Variants in CTNNA2 observed in about 807,000 individuals in gnomAD.
The protein encoded by CTNNA2 is catenin alpha 2.
CTNNA2 carries 42 observed loss-of-function variants against 101.0 expected under a neutral mutation model. The observed-to-expected ratio is 0.42, with a 90% CI of 0.32 to 0.54. CTNNA2 has a LOEUF of 0.54. CTNNA2 is among the 20% of genes least tolerant of loss of function. CTNNA2 has a pLI of 0.14. For synonymous variants in CTNNA2, 450 were observed against 456.4 expected, an observed-to-expected ratio of 0.99 and a Z score of 0.18; for missense variants, 871 against 1,223.1, an observed-to-expected ratio of 0.71 and a Z score of 4.29.
intron 7 of CTNNA2, among the ~76,000 whole-genome samples, chr2:79,979,817 C>T (rs1416951174): frequency 1.3e-5 from 2 of 152,026 alleles, no homozygotes; most frequent in Admixed American, 1.3e-4. Flanking sequence ...AATATCAATT[C>T]CTAGCAACTA....
intron 12 of CTNNA2, among the ~76,000 whole-genome samples, chr2:80,566,564 T>C (rs1694079719): frequency 1.3e-5 from 2 of 152,168 alleles, no homozygotes; most frequent in South Asian, 4.1e-4. Context: ...CAAATGCTGG[T>C]ATAATAGCCC....
chr2:80,340,567 ACCAGGTGAC>A (rs1181999535), intron 7 of CTNNA2, among the ~76,000 whole-genome samples: 1 of 152,216 alleles, frequency 6.6e-6, no homozygotes, highest in Non-Finnish European at 1.5e-5. Flanking sequence ...AGTTGAATGT[ACCAGGTGAC>A]ATACAGCCCT....
chr2:80,393,762 A>G (rs192243644), intron 8 of CTNNA2, among the ~76,000 whole-genome samples: 70 of 152,292 alleles, frequency 4.6e-4, no homozygotes, highest in Middle Eastern at 6.8e-3. Flanking sequence ...AATCTAGGAG[A>G]AAGTTTGCTT....
intron 17 of CTNNA2, among the ~76,000 whole-genome samples, chr2:80,618,360 G>C (rs1005770268): frequency 2.6e-5 from 4 of 151,528 alleles, no homozygotes; most frequent in African/African-American, 9.7e-5. Flanking sequence ...ACTCCTTTTA[G>C]TTGTATATTT....
rs137898899 is a variant in CTNNA2 at position 79,242,969 on chromosome 2, A to AATATAT, written c.-406+44913_-406+44918dup. ...GCAACAAAGTAAGATCCTGTCTCGA[A>AATATAT]ATATATATATATATATATATATATA... is the stretch of plus-strand genomic sequence containing the variant. On this transcript the variant is annotated intron_variant, in intron 2 of 21. Coordinates refer to the CTNNA2 transcript ENST00000466387. 1.3e-3 allele frequency among the ~76,000 whole-genome samples: 171 copies of AATATAT among 127,342 alleles called. 2 individuals carry two copies. The highest frequency in any genetic ancestry group is 4.8e-3 in the Middle Eastern group (1 of 208). 83.5% of individuals were successfully genotyped at this position (127,342 alleles called of 152,430 possible).
chr2:79,290,730 T>G (rs1675780492), intron 2 of CTNNA2, among the ~76,000 whole-genome samples: 1 of 152,068 alleles, frequency 6.6e-6, no homozygotes, highest in Non-Finnish European at 1.5e-5. Context: ...GGAGAAACCA[T>G]CTTCCCACTC....
At chr2:79,766,025 T>C (rs1465034225) in intron 3 of CTNNA2, among the ~76,000 whole-genome samples, 1 of 152,214 alleles carries the variant, frequency 6.6e-6, no homozygotes, top group Non-Finnish European at 1.5e-5. Context: ...GATTGGTTCA[T>C]GGTTTAGTCT....
At chr2:79,384,399 TCTCTC>T (rs1201787576) in intron 4 of CTNNA2, among the ~76,000 whole-genome samples, 1 of 74,564 alleles carries the variant, frequency 1.3e-5, no homozygotes, top group African/African-American at 4.1e-5. Flanking sequence ...TCTCTCTCTC[TCTCTC>T]TCTCTCTCTC....
At chr2:80,059,572 G>C (rs1433467386) in intron 7 of CTNNA2, among the ~76,000 whole-genome samples, 26 of 152,212 alleles carry the variant, frequency 1.7e-4, no homozygotes, top group Non-Finnish European at 1.5e-5. Context: ...TGTTAGGATA[G>C]TGGGTCCAGA....
intron 7 of CTNNA2, among the ~76,000 whole-genome samples, chr2:80,057,873 C>A (rs1234699296): frequency 1.3e-5 from 2 of 152,126 alleles, no homozygotes; most frequent in Non-Finnish European, 2.9e-5. Context: ...GTATGAGGAT[C>A]TTGCTATCCT....
At chr2:80,310,763 G>A (rs1381251666) in intron 7 of CTNNA2, among the ~76,000 whole-genome samples, 1 of 152,108 alleles carries the variant, frequency 6.6e-6, no homozygotes, top group African/African-American at 2.4e-5. Flanking sequence ...CTTGAGGTCA[G>A]GAGTTCTAGA....
intron 2 of CTNNA2, among the ~76,000 whole-genome samples, chr2:79,699,608 A>C (rs1377908245): frequency 6.6e-6 from 1 of 151,662 alleles, no homozygotes; most frequent in African/African-American, 2.4e-5. Flanking sequence ...TTTTAATCAA[A>C]ATATTTTATG....
At chr2:79,530,086 G>A (rs1672648368) in intron 1 of CTNNA2, among the ~76,000 whole-genome samples, 2 of 152,104 alleles carry the variant, frequency 1.3e-5, no homozygotes, top group Admixed American at 6.6e-5. Flanking sequence ...AAGGCTTTCT[G>A]TGGTGGGAGG....
At chr2:79,542,314 TTAAAAG>T (rs1673476961) in intron 1 of CTNNA2, among the ~76,000 whole-genome samples, 1 of 152,218 alleles carries the variant, frequency 6.6e-6, no homozygotes, top group African/African-American at 2.4e-5. Context: ...TTATCTGATG[TTAAAAG>T]TAAAAGATTT....
intron 2 of CTNNA2, among the ~76,000 whole-genome samples, chr2:79,662,760 G>C (rs1001894397): frequency 6.6e-6 from 1 of 152,120 alleles, no homozygotes; most frequent in Non-Finnish European, 1.5e-5. Flanking sequence ...TAACTAAAGA[G>C]GGAAGGCCAG....
intron 2 of CTNNA2, among the ~76,000 whole-genome samples, chr2:79,254,294 A>C (rs1558588159): frequency 6.6e-6 from 1 of 152,208 alleles, no homozygotes; most frequent in Non-Finnish European, 1.5e-5. Flanking sequence ...TCCCTCCCAA[A>C]TCTCATGTCA....
intron 1 of CTNNA2, among the ~76,000 whole-genome samples, chr2:79,531,599 G>T (rs1300184417): frequency 6.6e-6 from 1 of 152,086 alleles, no homozygotes; most frequent in Non-Finnish European, 1.5e-5. Context: ...GAGGCAAGGT[G>T]TGTAAGCATT....
intron 7 of CTNNA2, among the ~76,000 whole-genome samples, chr2:80,257,350 A>G (rs1249146025): frequency 6.6e-6 from 1 of 152,162 alleles, no homozygotes; most frequent in Non-Finnish European, 1.5e-5. Context: ...CACTCAGCAA[A>G]TCATTTTGCT....
intron 7 of CTNNA2, among the ~76,000 whole-genome samples, chr2:80,082,916 C>T (rs1343619604): frequency 2.6e-5 from 4 of 152,088 alleles, no homozygotes; most frequent in Non-Finnish European, 4.4e-5. Context: ...ATTTCTTGCA[C>T]TCAAAAGGTA....
Sources: gnomAD v4.1 joint callset for allele counts (sites outside exome capture counted in the v4.1 genomes callset) on GRCh38, gnomAD v4.1.1 for gene constraint, MANE v1.5 for transcripts, NCBI Gene and HGNC (gene_info 2026-07-23, HGNC 2026-07-21) for gene names.